ZMAT4: variants seen among roughly 807,000 people sequenced by gnomAD.
ZMAT4 encodes the protein zinc finger matrin-type 4.
Under a neutral mutation model 28.7 loss-of-function variants are expected in ZMAT4, and 17 were observed. That is an observed-to-expected ratio of 0.59 (90% CI 0.41 to 0.89). The LOEUF (loss-of-function observed/expected upper bound fraction) is 0.89. ZMAT4 is among the 40% of genes least tolerant of loss of function. ZMAT4 has a pLI of 0.00. For synonymous variants in ZMAT4, 117 were observed against 109.2 expected, an observed-to-expected ratio of 1.07 and a Z score of -0.44; for missense variants, 240 against 283.8, an observed-to-expected ratio of 0.85 and a Z score of 1.11.
chr8:40,808,489 G>A lies in ZMAT4; in HGVS notation c.102+17086C>T, dbSNP rs543684884. On this transcript the variant is annotated intron_variant, in intron 2 of 6. Transcript: ENST00000297737. ...CTTTCTAACGGTTGACAATGCAGTAGTATAAAGCTGAAAACTCACCTTGAC... is the reference window on the plus strand; with the variant it reads ...CTTTCTAACGGTTGACAATGCAGTAATATAAAGCTGAAAACTCACCTTGAC... 6 of 452,302 alleles carry A rather than the reference G, an allele frequency of 1.3e-5. No individual in the cohort carries two copies. The East Asian group carries it at 4.2e-4, about 32-fold the overall frequency. 28.0% of individuals were successfully genotyped at this position (452,302 alleles called of 1,614,324 possible).
At chr8:40,536,275 T>C (rs1050418264) in intron 6 of ZMAT4, among the ~76,000 whole-genome samples, 3 of 152,168 alleles carry the variant, frequency 2.0e-5, no homozygotes, top group African/African-American at 7.2e-5. Flanking sequence ...CCAAATCTTA[T>C]TGGTCTCCTA....
intron 6 of ZMAT4, among the ~76,000 whole-genome samples, chr8:40,563,010 T>C (rs977122507): frequency 6.6e-6 from 1 of 152,176 alleles, no homozygotes; most frequent in African/African-American, 2.4e-5. Context: ...TGAACTCATC[T>C]ACTCCCATAT....
At chr8:40,706,064 G>T (rs1463365668) in intron 3 of ZMAT4, among the ~76,000 whole-genome samples, 1 of 152,010 alleles carries the variant, frequency 6.6e-6, no homozygotes, top group African/African-American at 2.4e-5. Flanking sequence ...ATTATTGGTT[G>T]TTTTTTCTTT....
intron 6 of ZMAT4, among the ~76,000 whole-genome samples, chr8:40,547,593 C>T (rs1803245097): frequency 6.6e-6 from 1 of 152,184 alleles, no homozygotes; most frequent in African/African-American, 2.4e-5. Context: ...TTACCCCTCA[C>T]ACAGATTTAG....
At chr8:40,592,702 C>A (rs1421348024) in intron 5 of ZMAT4, among the ~76,000 whole-genome samples, 2 of 152,126 alleles carry the variant, frequency 1.3e-5, no homozygotes, top group Non-Finnish European at 2.9e-5. Flanking sequence ...AATTGTCACC[C>A]TACAGTGAAG....
chr8:40,805,654 T>C (rs1259380047), intron 2 of ZMAT4, among the ~76,000 whole-genome samples: 5 of 146,072 alleles, frequency 3.4e-5, no homozygotes, highest in African/African-American at 1.3e-4. Context: ...ATGGATGAAA[T>C]CGGAAATCAT....
chr8:40,821,523 C>T (rs1259812854), intron 2 of ZMAT4, among the ~76,000 whole-genome samples: 1 of 152,114 alleles, frequency 6.6e-6, no homozygotes, highest in East Asian at 1.9e-4. Flanking sequence ...TAAAGCATAG[C>T]ATGTAAAGGT....
chr8:40,660,090 T>C (rs1260564321), intron 5 of ZMAT4, among the ~76,000 whole-genome samples: 1 of 152,196 alleles, frequency 6.6e-6, no homozygotes, highest in African/African-American at 2.4e-5. Flanking sequence ...TCAGTAAACA[T>C]ATTATTTGTC....
intron 1 of ZMAT4, among the ~76,000 whole-genome samples, chr8:40,873,224 T>G (rs1487745911): frequency 1.3e-5 from 2 of 152,214 alleles, no homozygotes; most frequent in Non-Finnish European, 2.9e-5. Flanking sequence ...CACTGCCACA[T>G]GTGCACAGAA....
intron 5 of ZMAT4, among the ~76,000 whole-genome samples, chr8:40,626,808 G>A (rs1806398543): frequency 6.6e-6 from 1 of 152,204 alleles, no homozygotes; most frequent in Non-Finnish European, 1.5e-5. Flanking sequence ...TGGAGCTGGG[G>A]AGGGGGGCTG....
At position 40,734,247 on chromosome 8, in the gene ZMAT4, G is replaced by A. The variant is rs1439656133; in HGVS notation, c.192+33394C>T. The stretch of plus-strand genomic sequence containing the variant: ...AAATTTCAGGACATTTGGCATGGCT[G>A]GCCTCTCCTGCTAAGTACCTGTAAC... On this transcript the variant is annotated intron_variant, in intron 3 of 6. Transcript: ENST00000297737. Among the ~76,000 whole-genome samples the A allele has an allele frequency of 2.0e-5, 3 of 152,086 alleles. No individual in the cohort carries two copies. In the East Asian group the frequency reaches 5.8e-4, roughly 29 times the overall value.
At chr8:40,823,008 C>T (rs536943275) in intron 2 of ZMAT4, among the ~76,000 whole-genome samples, 5 of 152,288 alleles carry the variant, frequency 3.3e-5, no homozygotes, top group African/African-American at 9.6e-5. Flanking sequence ...AATAACTAAA[C>T]ACTTCATTGA....
chr8:40,740,710 T>C (rs2150534273), intron 3 of ZMAT4, among the ~76,000 whole-genome samples: 1 of 152,346 alleles, frequency 6.6e-6, no homozygotes, highest in East Asian at 1.9e-4. Flanking sequence ...CACAGACCTC[T>C]AGGACTGTGC....
chr8:40,733,401 T>C (rs1025200300), intron 3 of ZMAT4, among the ~76,000 whole-genome samples: 2 of 152,202 alleles, frequency 1.3e-5, no homozygotes, highest in Non-Finnish European at 2.9e-5. Flanking sequence ...TAACTGCATC[T>C]AATTTGCAAT....
intron 2 of ZMAT4, among the ~76,000 whole-genome samples, chr8:40,809,017 T>C (rs115915913): frequency 9.5e-4 from 144 of 152,212 alleles, no homozygotes; most frequent in African/African-American, 3.3e-3. Flanking sequence ...CACTAGTATG[T>C]TCACTGCAGC....
intron 3 of ZMAT4, among the ~76,000 whole-genome samples, chr8:40,737,535 T>A (rs2150531643): frequency 6.6e-6 from 1 of 152,302 alleles, no homozygotes; most frequent in Non-Finnish European, 1.5e-5. Flanking sequence ...GTTGGTATCA[T>A]ATGCTCAAGA....
intron 2 of ZMAT4, among the ~76,000 whole-genome samples, chr8:40,783,994 A>G (rs1050208725): frequency 2.6e-5 from 4 of 152,162 alleles, no homozygotes; most frequent in East Asian, 1.9e-4. Context: ...CCTGGCAACA[A>G]GAGCGAAACT....
intron 2 of ZMAT4, among the ~76,000 whole-genome samples, chr8:40,821,070 G>A (rs955430793): frequency 4.7e-4 from 68 of 145,596 alleles, no homozygotes; most frequent in African/African-American, 1.5e-3. Context: ...GGTGGTTTGG[G>A]GATGGGTGTG....
chr8:40,864,809 A>C (rs17648232), intron 1 of ZMAT4, among the ~76,000 whole-genome samples: 5,190 of 152,314 alleles, frequency 0.034, 116 homozygotes, highest in South Asian at 0.058. Context: ...TATATTTCCC[A>C]AAACCTGAAC....
Sources: gnomAD v4.1 joint callset for allele counts (sites outside exome capture counted in the v4.1 genomes callset) on GRCh38, gnomAD v4.1.1 for gene constraint, MANE v1.5 for transcripts, NCBI Gene and HGNC (gene_info 2026-07-23, HGNC 2026-07-21) for gene names.